The following RBMS2 variants were observed in gnomAD, a reference collection of about 807,000 sequenced individuals.
RBMS2 encodes RNA-binding motif, single-stranded-interacting protein 2.
Under a neutral mutation model 58.4 loss-of-function variants are expected in RBMS2, and 38 were observed. That is an observed-to-expected ratio of 0.65 (90% CI 0.50 to 0.85). The LOEUF (loss-of-function observed/expected upper bound fraction) is 0.85. RBMS2 is among the 40% of genes least tolerant of loss of function. The pLI is 0.00. For synonymous variants in RBMS2, 151 were observed against 180.7 expected (o/e 0.84, Z 1.32); for missense variants, 367 against 503.7 (o/e 0.73, Z 2.60).
At chr12:56,576,682 A>G (rs1340812277) in intron 5 of RBMS2, among the ~76,000 whole-genome samples, 1 of 152,030 alleles carries the variant, frequency 6.6e-6, no homozygotes, top group Non-Finnish European at 1.5e-5. Flanking sequence ...AGTGTAAAAT[A>G]TTTTTATAAA....
At chr12:56,589,068 G>A in intron 13 of RBMS2, 50 bp downstream of exon 13, 4 of 1,613,184 alleles carry the variant, frequency 2.5e-6, no homozygotes, top group Non-Finnish European at 3.4e-6. Flanking sequence ...GCAGACAGCA[G>A]CTCAGCCCGG....
chr12:56,530,957 C>A (rs1873625961), intron 1 of RBMS2, among the ~76,000 whole-genome samples: 1 of 152,056 alleles, frequency 6.6e-6, no homozygotes, highest in African/African-American at 2.4e-5. Context: ...AACTCACAGT[C>A]AAAACTGTCT....
At chr12:56,560,685 G>T (rs1475286961) in intron 1 of RBMS2, among the ~76,000 whole-genome samples, 1 of 152,156 alleles carries the variant, frequency 6.6e-6, no homozygotes, top group Non-Finnish European at 1.5e-5. Flanking sequence ...GTGAGCCACT[G>T]TGCCTGGACC....
chr12:56,588,654 A>G, intron 12 of RBMS2: 3 of 588,402 alleles, frequency 5.1e-6, no homozygotes, highest in East Asian at 5.6e-5. Context: ...GGAAAGAAGG[A>G]CTTGGTCTGA....
chr12:56,578,795 T>C (rs1883499827), intron 5 of RBMS2, among the ~76,000 whole-genome samples: 1 of 151,928 alleles, frequency 6.6e-6, no homozygotes, highest in Non-Finnish European at 1.5e-5. Context: ...TGAAACCCCA[T>C]CTCTACTGAA....
intron 5 of RBMS2, 127 bp from the exon 6 acceptor site, chr12:56,581,057 T>A (rs1168037542): frequency 1.0e-5 from 8 of 798,750 alleles, no homozygotes; most frequent in Non-Finnish European, 1.5e-5. Flanking sequence ...AGACACTCTG[T>A]GTTTCTGTAG....
intron 5 of RBMS2, among the ~76,000 whole-genome samples, chr12:56,575,438 A>G (rs1231243193): frequency 6.6e-6 from 1 of 152,002 alleles, no homozygotes; most frequent in African/African-American, 2.4e-5. Context: ...CCCTGTCTCA[A>G]TAAATAAATC....
chr12:56,566,751 G>A (rs1015715217), intron 2 of RBMS2, among the ~76,000 whole-genome samples: 1 of 152,168 alleles, frequency 6.6e-6, no homozygotes, highest in Non-Finnish European at 1.5e-5. Context: ...CCGGGAGGCG[G>A]AGGTTGCAGC....
At chr12:56,527,648 A>G (rs1310782797) in intron 1 of RBMS2, among the ~76,000 whole-genome samples, 1 of 151,938 alleles carries the variant, frequency 6.6e-6, no homozygotes, top group African/African-American at 2.4e-5. Context: ...CAAAAACAAA[A>G]AAAAAACTTT....
rs974754470 is a variant in RBMS2, at chr12:56,588,207, G to C, written c.1063-87G>C. 7.9e-6 allele frequency: 8 copies of C among 1,011,558 alleles called. No individual in the cohort carries two copies. The African/African-American group carries it at 1.3e-4, about 16-fold the overall frequency. 62.7% of individuals were successfully genotyped at this position (1,011,558 alleles called of 1,614,324 possible). The stretch of plus-strand genomic sequence containing the variant: ...ATAGAATCTCTGGGGTAGAATACAG[G>C]TGTCAGTATTTTTTTTAAAGCCCCT... On this transcript the variant is annotated intron_variant, in intron 11 of 13. Coordinates refer to ENST00000262031, the MANE Select transcript of RBMS2 (RefSeq NM_002898.4).
At chr12:56,575,562 C>T (rs535400752) in intron 5 of RBMS2, among the ~76,000 whole-genome samples, 1 of 151,458 alleles carries the variant, frequency 6.6e-6, no homozygotes, top group African/African-American at 2.4e-5. Flanking sequence ...CCCCTACACC[C>T]CCCCTCAAAA....
chr12:56,547,467 T>C (rs1247587894), intron 1 of RBMS2, among the ~76,000 whole-genome samples: 1 of 152,144 alleles, frequency 6.6e-6, no homozygotes, highest in Non-Finnish European at 1.5e-5. Context: ...TCCAGGAGTT[T>C]GAGACAAGAC....
At chr12:56,542,861 T>C (rs973932635) in intron 1 of RBMS2, among the ~76,000 whole-genome samples, 8 of 151,696 alleles carry the variant, frequency 5.3e-5, no homozygotes, top group Non-Finnish European at 8.8e-5. Flanking sequence ...CTTTATTTAT[T>C]TTTTAACCAT....
At chr12:56,553,947 C>T (rs1316705381) in intron 1 of RBMS2, among the ~76,000 whole-genome samples, 1 of 151,728 alleles carries the variant, frequency 6.6e-6, no homozygotes, top group Non-Finnish European at 1.5e-5. Flanking sequence ...GCCCCAGCCT[C>T]CCGAGTAGCT....
chr12:56,580,143 G>A, intron 5 of RBMS2: 1 of 297,162 alleles, frequency 3.4e-6, no homozygotes, highest in Non-Finnish European at 6.6e-6. Context: ...ATGTTGGCCA[G>A]GATGGTCTTG....
chr12:56,541,100 C>CA (rs376084138), intron 1 of RBMS2, among the ~76,000 whole-genome samples: 1,588 of 125,024 alleles, frequency 0.013, 18 homozygotes, highest in African/African-American at 0.025. Context: ...GACCTTGACT[C>CA]AAAAAAAAAA....
At chr12:56,583,610 C>G (rs373087007) in intron 9 of RBMS2, among the ~76,000 whole-genome samples, 1 of 151,818 alleles carries the variant, frequency 6.6e-6, no homozygotes, top group East Asian at 1.9e-4. Flanking sequence ...GCCGAGATCG[C>G]GCCACTACAC....
intron 1 of RBMS2, among the ~76,000 whole-genome samples, chr12:56,545,828 T>C (rs1877064962): frequency 6.6e-6 from 1 of 152,220 alleles, no homozygotes; most frequent in South Asian, 2.1e-4. Flanking sequence ...TATCCAGTTA[T>C]CAGTTGATAA....
At chr12:56,586,757 C>A in intron 9 of RBMS2, 92 bp from the exon 10 acceptor site, 1 of 1,104,472 alleles carries the variant, frequency 9.1e-7, no homozygotes, top group Non-Finnish European at 1.4e-6. Flanking sequence ...GTGGGGCATT[C>A]AAACTTTTCT....
Sources: gnomAD v4.1 joint callset for allele counts (sites outside exome capture counted in the v4.1 genomes callset) on GRCh38, gnomAD v4.1.1 for gene constraint, MANE v1.5 for transcripts, NCBI Gene and HGNC (gene_info 2026-07-23, HGNC 2026-07-21) for gene names.